Variants in NCMAP observed in about 807,000 individuals in gnomAD.
NCMAP encodes noncompact myelin-associated protein.
In NCMAP, 8 loss-of-function variants were observed where a neutral mutation model predicts 7.8. That is an observed-to-expected ratio of 1.02 (90% CI 0.60 to 1.84). The LOEUF is 1.84. NCMAP is among the 40% of genes most tolerant of loss of function. The pLI, the probability that NCMAP is intolerant of heterozygous loss-of-function variation, is 0.00. For missense variants in NCMAP, 112 were observed against 131.4 expected (o/e 0.85, Z 0.72); for synonymous variants, 41 against 52.9 (o/e 0.78, Z 0.98).
At position 24,595,575 on chromosome 1, in the gene NCMAP, G is replaced by A. The variant is rs144699033; in HGVS notation, c.82+63G>A. The A allele has an allele frequency of 2.0e-4, 272 of 1,355,636 alleles. 1 individual carries two copies. In the African/African-American group the frequency reaches 3.4e-3, roughly 17 times the overall value. 84.0% of individuals were successfully genotyped at this position (1,355,636 alleles called of 1,614,324 possible). ...GCAGGACCAGTGTCATGGTCATAGT[G>A]CAGAGGTTAAGAGTGTGGGCTCTGG... On this transcript the variant is annotated intron_variant, in intron 2 of 3. Transcript: ENST00000374392.
At position 24,607,068 on chromosome 1, in the gene NCMAP, C is replaced by T. The variant is rs966370805; in HGVS notation, c.*1321C>T. The T allele has an allele frequency of 6.0e-4, 91 of 151,030 alleles. No individual in the cohort carries two copies. The highest frequency in any genetic ancestry group is 5.8e-4 in the East Asian group (3 of 5,144). 9.4% of individuals were successfully genotyped at this position (151,030 alleles called of 1,614,324 possible). A position where few individuals can be genotyped will look rare whatever the true frequency, so the allele number is the denominator to read the frequency against. On this transcript the variant is annotated 3_prime_UTR_variant, in exon 4 of 4. Coordinates refer to ENST00000374392, the MANE Select transcript of NCMAP (RefSeq NM_001010980.5). Reference sequence around the variant, plus strand: ...GGAGTGCAGTGGCACGCTCACAGCTCGCTGCAGCCTTGAACTCCTGGGCTC... The same window carrying T: ...GGAGTGCAGTGGCACGCTCACAGCTTGCTGCAGCCTTGAACTCCTGGGCTC...
At chr1:24,580,970 GGTT>G (rs1360304080) in intron 1 of NCMAP, among the ~76,000 whole-genome samples, 1 of 152,160 alleles carries the variant, frequency 6.6e-6, no homozygotes, top group Non-Finnish European at 1.5e-5. Flanking sequence ...TCTCCAGTGT[GGTT>G]GTTTTCTCTT....
At chr1:24,590,295 G>A (rs1194989244) in intron 1 of NCMAP, among the ~76,000 whole-genome samples, 1 of 152,192 alleles carries the variant, frequency 6.6e-6, no homozygotes, top group Non-Finnish European at 1.5e-5. Flanking sequence ...CGGTGAATAT[G>A]TCCATGGGTT....
intron 2 of NCMAP, among the ~76,000 whole-genome samples, chr1:24,596,055 G>A (rs568644447): frequency 6.6e-6 from 1 of 152,254 alleles, no homozygotes; most frequent in African/African-American, 2.4e-5. Flanking sequence ...GCTGAGGCAT[G>A]TGGATCACTT....
At chr1:24,557,695 G>C (rs1191656390) in intron 1 of NCMAP, among the ~76,000 whole-genome samples, 1 of 152,216 alleles carries the variant, frequency 6.6e-6, no homozygotes, top group Non-Finnish European at 1.5e-5. Context: ...TGGGAGGGGA[G>C]GAGGAAATGG....
intron 1 of NCMAP, among the ~76,000 whole-genome samples, chr1:24,573,920 C>A (rs1187016272): frequency 7.5e-6 from 1 of 134,084 alleles, no homozygotes; most frequent in Non-Finnish European, 1.5e-5. Flanking sequence ...GTGTGGGCGG[C>A]ACCATGCACT....
chr1:24,563,242 C>G (rs1651104395), intron 1 of NCMAP, among the ~76,000 whole-genome samples: 1 of 152,246 alleles, frequency 6.6e-6, no homozygotes, highest in East Asian at 1.9e-4. Context: ...AGTGACTTGG[C>G]CGGGCAAGGT....
At chr1:24,573,954 A>AAAAAAAAAAAAAG (rs1651468704) in intron 1 of NCMAP, among the ~76,000 whole-genome samples, 2 of 30,142 alleles carry the variant, frequency 6.6e-5, no homozygotes, top group African/African-American at 1.8e-4. Context: ...AGAGAGGACA[A>AAAAAAAAAAAAAG]AAAAAAAAAA....
chr1:24,575,884 GC>G (rs112442993), intron 1 of NCMAP, among the ~76,000 whole-genome samples: 36 of 133,334 alleles, frequency 2.7e-4, no homozygotes, highest in African/African-American at 9.7e-4. Context: ...GGCGGAGGTT[GC>G]AATGAGCCGA....
chr1:24,564,554 T>C (rs1333032222), intron 1 of NCMAP, among the ~76,000 whole-genome samples: 1 of 119,368 alleles, frequency 8.4e-6, no homozygotes, highest in African/African-American at 3.3e-5. Flanking sequence ...CTGAGAGAGA[T>C]GGAGAGTATA....
At chr1:24,558,195 C>A (rs538223030) in intron 1 of NCMAP, among the ~76,000 whole-genome samples, 1 of 152,210 alleles carries the variant, frequency 6.6e-6, no homozygotes, top group Non-Finnish European at 1.5e-5. Flanking sequence ...GGGCCAAGTT[C>A]GAAGCTTCTC....
In NCMAP at chr1:24,606,208, C is replaced by G. The variant is rs1168242727; in HGVS notation, c.*461C>G. The G allele has an allele frequency of 6.5e-6, 1 of 154,578 alleles. No homozygotes were observed. Among genetic ancestry groups the G allele is most frequent in the East Asian group, 1.9e-4 (1 of 5,274 alleles). The allele number at this position is 154,578 out of a possible 1,614,324, so 9.6% of individuals were successfully genotyped here. A position where few individuals can be genotyped will look rare whatever the true frequency, so the allele number is the denominator to read the frequency against. ...CCATAACCAGGCACAGGGGAACTAACTTGGACTAACTAACCAGAAAACCTT... is the reference window on the plus strand; with the variant it reads ...CCATAACCAGGCACAGGGGAACTAAGTTGGACTAACTAACCAGAAAACCTT... On this transcript the variant is annotated 3_prime_UTR_variant, in exon 4 of 4. Coordinates refer to ENST00000374392, the MANE Select transcript of NCMAP (RefSeq NM_001010980.5).
chr1:24,597,409 C>T (rs1172573545), intron 2 of NCMAP, among the ~76,000 whole-genome samples: 3 of 149,558 alleles, frequency 2.0e-5, no homozygotes, highest in Non-Finnish European at 4.4e-5. Flanking sequence ...GAGGCTGAGG[C>T]ATGAGAATCG....
chr1:24,593,940 G>A (rs1304004222), intron 1 of NCMAP, among the ~76,000 whole-genome samples: 1 of 151,872 alleles, frequency 6.6e-6, no homozygotes, highest in Non-Finnish European at 1.5e-5. Flanking sequence ...CGCCCAGGCT[G>A]AAATGCAGTG....
At chr1:24,558,965 T>C (rs1026531885) in intron 1 of NCMAP, among the ~76,000 whole-genome samples, 2 of 148,458 alleles carry the variant, frequency 1.3e-5, no homozygotes, top group African/African-American at 4.9e-5. Flanking sequence ...TTTAATTTCT[T>C]AAAAAAAAAA....
intron 2 of NCMAP, among the ~76,000 whole-genome samples, chr1:24,599,616 C>T (rs532559443): frequency 9.2e-4 from 140 of 152,232 alleles, no homozygotes; most frequent in Middle Eastern, 6.8e-3. Flanking sequence ...CTTGCTCTGT[C>T]GCCCAGGCTA....
chr1:24,584,237 C>T (rs984317983), intron 1 of NCMAP, among the ~76,000 whole-genome samples: 1 of 152,206 alleles, frequency 6.6e-6, no homozygotes, highest in African/African-American at 2.4e-5. Context: ...AGCCCAGAGA[C>T]TGAGAGGTAG....
At chr1:24,597,928 A>G (rs538494570) in intron 2 of NCMAP, among the ~76,000 whole-genome samples, 2 of 145,654 alleles carry the variant, frequency 1.4e-5, no homozygotes, top group African/African-American at 5.2e-5. Context: ...ACCAGGGGCC[A>G]TTTGGCATTG....
intron 1 of NCMAP, among the ~76,000 whole-genome samples, chr1:24,559,173 C>T (rs1479224141): frequency 1.3e-5 from 2 of 152,176 alleles, no homozygotes; most frequent in Non-Finnish European, 2.9e-5. Context: ...GAAGTCAGCC[C>T]GGAAGCAGCG....
Sources: gnomAD v4.1 joint callset for allele counts (sites outside exome capture counted in the v4.1 genomes callset) on GRCh38, gnomAD v4.1.1 for gene constraint, MANE v1.5 for transcripts, NCBI Gene and HGNC (gene_info 2026-07-23, HGNC 2026-07-21) for gene names.